RTRAF: variants seen among roughly 807,000 people sequenced by gnomAD.
The protein encoded by RTRAF is tRNA-splicing ligase complex subunit RTRAF.
In RTRAF, 14 loss-of-function variants were observed where a neutral mutation model predicts 34.4. The ratio of observed to expected loss-of-function variants is 0.41; its 90% confidence interval spans 0.27 to 0.64. The LOEUF is 0.64. RTRAF is among the 30% of genes least tolerant of loss of function. The probability of loss-of-function intolerance (pLI) is 0.34; values close to 1 mark genes in which losing one functional copy is unlikely to be tolerated. For synonymous variants in RTRAF, 96 were observed against 95.3 expected, an observed-to-expected ratio of 1.01 and a Z score of -0.04; for missense variants, 291 against 288.4, an observed-to-expected ratio of 1.01 and a Z score of -0.06.
intron 3 of RTRAF, 141 bp downstream of exon 3, chr14:51,993,963 T>C: frequency 5.5e-6 from 3 of 541,924 alleles, no homozygotes; most frequent in Non-Finnish European, 9.6e-6. Flanking sequence ...AAAAGCACTT[T>C]TATTGTCTTT....
intron 6 of RTRAF, among the ~76,000 whole-genome samples, chr14:52,002,352 G>A (rs1890613939): frequency 6.6e-6 from 1 of 152,182 alleles, no homozygotes. Context: ...CACCTAGTTG[G>A]TAAGTGACTG....
chr14:52,001,767 TA>T, intron 5 of RTRAF, 30 bp from the exon 6 acceptor site: 1 of 1,597,914 alleles, frequency 6.3e-7, no homozygotes, highest in Non-Finnish European at 8.6e-7. Flanking sequence ...ACACAGCCTA[TA>T]AAAAGTAAAA....
At chr14:51,989,846 C>T in intron 1 of RTRAF, 146 bp downstream of exon 1, 1 of 704,766 alleles carries the variant, frequency 1.4e-6, no homozygotes, top group Non-Finnish European at 2.3e-6. Context: ...TGGGTCGCCA[C>T]GTACCTCGGC....
In RTRAF at chr14:52,007,907, A is replaced by G. The variant is rs1052510124; in HGVS notation, c.*3391A>G. The G allele has an allele frequency of 3.1e-6, 5 of 1,613,934 alleles. No individual in the cohort carries two copies. The highest frequency in any genetic ancestry group is 1.3e-5 in the African/African-American group (1 of 75,046). On this transcript the variant is annotated 3_prime_UTR_variant, in exon 8 of 8. Transcript: ENST00000261700. ...TGATCAGAATTCTTCTGTTTTCTCC[A>G]TCTAAAGATGACGTTTCAATTTTAG...
At position 52,005,836 on chromosome 14, in the gene RTRAF, A is replaced by C; in HGVS notation, c.*1320A>C. 6.2e-7 allele frequency: 1 copy of C among 1,608,960 alleles called. No individual in the cohort carries two copies. ...AACTGGCCACTATGTTTATTTACTG[A>C]TACAACACCATCCCTGGTAACAGAA... On this transcript the variant is annotated 3_prime_UTR_variant, in exon 8 of 8. Transcript: ENST00000261700.
At chr14:52,002,372 A>G (rs1429779207) in intron 6 of RTRAF, among the ~76,000 whole-genome samples, 1 of 152,218 alleles carries the variant, frequency 6.6e-6, no homozygotes, top group African/African-American at 2.4e-5. Context: ...GAGCTCAGGC[A>G]GTCTGACTTG....
At position 52,004,633 on chromosome 14, in the gene RTRAF, T is replaced by G; in HGVS notation, c.*117T>G. On this transcript the variant is annotated 3_prime_UTR_variant, in exon 8 of 8. Transcript: ENST00000261700. Reference sequence around the variant, plus strand: ...GGGAGGAAGCCCAGAAAATTGGGTATGTTCTAGAGATTTACCACCATTGCT... The same window carrying G: ...GGGAGGAAGCCCAGAAAATTGGGTAGGTTCTAGAGATTTACCACCATTGCT... 1 of 1,007,946 alleles carries G rather than the reference T, an allele frequency of 9.9e-7. No individual in the cohort carries two copies. The highest frequency in any genetic ancestry group is 1.4e-6 in the Non-Finnish European group (1 of 696,702). 62.4% of individuals were successfully genotyped at this position (1,007,946 alleles called of 1,614,324 possible).
At chr14:52,002,468 CA>C (rs1347326937) in intron 6 of RTRAF, among the ~76,000 whole-genome samples, 1 of 152,136 alleles carries the variant, frequency 6.6e-6, no homozygotes, top group East Asian at 1.9e-4. Flanking sequence ...GGTGAAGGGA[CA>C]GGGGGTTCTG....
At chr14:51,996,925 C>A (rs910279692) in intron 3 of RTRAF, among the ~76,000 whole-genome samples, 16 of 151,958 alleles carry the variant, frequency 1.1e-4, no homozygotes, top group Admixed American at 4.6e-4. Context: ...ATGACCCTGA[C>A]ATTTATTTTG....
rs1566737130 is a variant in RTRAF, at chr14:52,005,816, G to C, written c.*1300G>C. The C allele has an allele frequency of 6.2e-7, 1 of 1,613,504 alleles. No homozygotes were observed. Among genetic ancestry groups the C allele is most frequent in the South Asian group, 1.1e-5 (1 of 91,072 alleles). ...CTGGGAGATACTCATCAGTAAACTG[G>C]CCACTATGTTTATTTACTGATACAA... On this transcript the variant is annotated 3_prime_UTR_variant, in exon 8 of 8. Transcript: ENST00000261700.
intron 3 of RTRAF, among the ~76,000 whole-genome samples, chr14:51,996,986 T>G (rs1195667412): frequency 6.6e-6 from 1 of 152,012 alleles, no homozygotes; most frequent in Non-Finnish European, 1.5e-5. Context: ...TGATTAGATT[T>G]GGGGTTTATA....
Position 52,005,896 on chromosome 14 carries a change from A to T in RTRAF, c.*1380A>T. 6 of 1,392,204 alleles carry T rather than the reference A, an allele frequency of 4.3e-6. No individual in the cohort carries two copies. The highest frequency in any genetic ancestry group is 6.0e-6 in the Non-Finnish European group (6 of 993,598). The allele number at this position is 1,392,204 out of a possible 1,614,324, so 86.2% of individuals were successfully genotyped here. A position where few individuals can be genotyped will look rare whatever the true frequency, so the allele number is the denominator to read the frequency against. ...GAATTCAGGGACAGTCATTTACTAG[A>T]TAAAGAAGTCAGTCAGCCACAGAAA... On this transcript the variant is annotated 3_prime_UTR_variant, in exon 8 of 8. Transcript: ENST00000261700.
Position 52,005,346 on chromosome 14 carries a change from G to A in RTRAF, c.*830G>A, listed in dbSNP as rs1444655683. The stretch of plus-strand genomic sequence containing the variant: ...ATCAGCTTTTCACAAAAGTCTTTTT[G>A]CACTACAAAATGTTCATCTTGGATG... On this transcript the variant is annotated 3_prime_UTR_variant, in exon 8 of 8. Coordinates refer to ENST00000261700, the MANE Select transcript of RTRAF (RefSeq NM_016039.3). 2 of 677,982 alleles carry A rather than the reference G, an allele frequency of 2.9e-6. No individual in the cohort carries two copies. The highest frequency in any genetic ancestry group is 3.6e-5 in the African/African-American group (2 of 54,804). The allele number at this position is 677,982 out of a possible 1,614,324, so 42.0% of individuals were successfully genotyped here.
chr14:51,991,342 C>T lies in RTRAF; in HGVS notation c.87C>T (p.Ile29=), dbSNP rs762719676. The T allele has an allele frequency of 3.1e-6, 5 of 1,613,180 alleles. No individual in the cohort carries two copies. The highest frequency in any genetic ancestry group is 4.2e-6 in the Non-Finnish European group (5 of 1,179,484). ...ATGAAACAGAATTTAGAAACTTCAT[C>T]GTTTGGCTTGAAGACCAGAAAATCA... ...CKDETEFRNF[I]VWLEDQKIRH... is the part of the protein sequence containing the mutation. The change falls in exon 2 of 8, where the codon ATC becomes ATT. Residue 29 remains isoleucine (I), a synonymous_variant. Transcript: ENST00000261700.
In RTRAF at chr14:51,989,573, C is replaced by G. The variant is rs1890389989; in HGVS notation, c.-67C>G. 1.7e-5 allele frequency: 26 copies of G among 1,518,754 alleles called. No individual in the cohort carries two copies. The South Asian group carries it at 3.1e-4, about 18-fold the overall frequency. The allele number at this position is 1,518,754 out of a possible 1,614,324, so 94.1% of individuals were successfully genotyped here. A position where few individuals can be genotyped will look rare whatever the true frequency, so the allele number is the denominator to read the frequency against. Reference sequence around the variant, plus strand: ...CTCGCCGCGTCGCCGGTGCCTGCGCCTCCCGCTCCACCTCGCTTCTTCTCT... The same window carrying G: ...CTCGCCGCGTCGCCGGTGCCTGCGCGTCCCGCTCCACCTCGCTTCTTCTCT... On this transcript the variant is annotated 5_prime_UTR_variant, in exon 1 of 8. Coordinates refer to ENST00000261700, the MANE Select transcript of RTRAF (RefSeq NM_016039.3).
chr14:51,998,968 A>C (rs1890564257), intron 4 of RTRAF, among the ~76,000 whole-genome samples: 1 of 151,964 alleles, frequency 6.6e-6, no homozygotes, highest in Non-Finnish European at 1.5e-5. Flanking sequence ...AATATGAAGA[A>C]TCTAATTACC....
In RTRAF at chr14:52,004,999, CTTAGAACT is replaced by C. The variant is rs999801305; in HGVS notation, c.*486_*493del. The C allele has an allele frequency of 1.1e-4, 18 of 157,202 alleles. No individual in the cohort carries two copies. The highest frequency in any genetic ancestry group is 3.2e-4 in the Admixed American group (5 of 15,512). 9.7% of individuals were successfully genotyped at this position (157,202 alleles called of 1,614,324 possible). On this transcript the variant is annotated 3_prime_UTR_variant, in exon 8 of 8. Coordinates refer to ENST00000261700, the MANE Select transcript of RTRAF (RefSeq NM_016039.3). Reference sequence around the variant, plus strand: ...ATGCACTGATGCAGAGGTAAAAAATCTTAGAACTTTTGTTGGGAAACTATAAATAATTG... The same window carrying C: ...ATGCACTGATGCAGAGGTAAAAAATCTTTGTTGGGAAACTATAAATAATTG...
chr14:52,007,153 A>G lies in RTRAF; in HGVS notation c.*2637A>G, dbSNP rs896521863. On this transcript the variant is annotated 3_prime_UTR_variant, in exon 8 of 8. Coordinates refer to ENST00000261700, the MANE Select transcript of RTRAF (RefSeq NM_016039.3). ...AGTCTTAAAAATTTTTACAATAGCTAAACCATTCAAGAATTTCCAAGTTTC... is the reference window on the plus strand; with the variant it reads ...AGTCTTAAAAATTTTTACAATAGCTGAACCATTCAAGAATTTCCAAGTTTC... 2 of 154,354 alleles carry G rather than the reference A, an allele frequency of 1.3e-5. No individual in the cohort carries two copies. Among genetic ancestry groups the G allele is most frequent in the African/African-American group, 4.8e-5 (2 of 41,440 alleles). 9.6% of individuals were successfully genotyped at this position (154,354 alleles called of 1,614,324 possible).
intron 6 of RTRAF, among the ~76,000 whole-genome samples, chr14:52,003,223 A>G (rs1307820692): frequency 6.6e-6 from 1 of 152,170 alleles, no homozygotes; most frequent in Non-Finnish European, 1.5e-5. Flanking sequence ...TATTTGAGGC[A>G]TATGGTAGTT....
Sources: gnomAD v4.1 joint callset for allele counts (sites outside exome capture counted in the v4.1 genomes callset) on GRCh38, gnomAD v4.1.1 for gene constraint, MANE v1.5 for transcripts, NCBI Gene and HGNC (gene_info 2026-07-23, HGNC 2026-07-21) for gene names.